The following ZNF140 variants were observed in gnomAD, a reference collection of about 807,000 sequenced individuals.
The protein encoded by ZNF140 is zinc finger protein 140 (clone pHZ-39).
ZNF140 carries 13 observed loss-of-function variants against 12.9 expected under a neutral mutation model. The observed-to-expected ratio is 1.01, with a 90% CI of 0.66 to 1.60. The LOEUF is 1.60. Ranked by LOEUF, ZNF140 falls within the 40% of genes most tolerant of loss-of-function variation. The probability of loss-of-function intolerance (pLI) is 0.00; values close to 1 mark genes in which losing one functional copy is unlikely to be tolerated. For missense variants in ZNF140, 531 were observed against 548.8 expected, an observed-to-expected ratio of 0.97 and a Z score of 0.32; for synonymous variants, 214 against 186.7, an observed-to-expected ratio of 1.15 and a Z score of -1.19.
At chr12:133,097,851 T>TGTGTGTGTGTGTGTGTGTGTGTGTG (rs1219923897) in intron 4 of ZNF140, among the ~76,000 whole-genome samples, 1 of 78,564 alleles carries the variant, frequency 1.3e-5, no homozygotes, top group African/African-American at 4.6e-5. Context: ...GTGTGTGTGT[T>TGTGTGTGTGTGTGTGTGTGTGTGTG]TTTGAGATGA....
Position 133,083,231 on chromosome 12 carries a change from TA to T in ZNF140, c.136+4del. 6.2e-7 allele frequency: 1 copy of T among 1,608,646 alleles called. No homozygotes were observed. ...ACTATGGCCATCTGGTCTCACTGGG[TA>T]AGTATTCTTCTTCATCTCCCTCAAG... On this transcript the variant is annotated splice_donor_region_variant and intron_variant, in intron 3 of 4. Transcript: ENST00000355557.
rs200906656 is a variant in ZNF140 at position 133,081,348 on chromosome 12, A to T, written c.9+19A>T. The T allele has an allele frequency of 2.9e-3, 912 of 318,762 alleles. 10 individuals are homozygous for T. Among genetic ancestry groups the T allele is most frequent in the Non-Finnish European group, 4.0e-3 (686 of 172,480 alleles). The allele number at this position is 318,762 out of a possible 1,614,324, so 19.7% of individuals were successfully genotyped here. ...GTCTCAGGTAAGCTAATGATTGATA[A>T]ATATATATATATATATATATATAAA... On this transcript the variant is annotated intron_variant, in intron 2 of 4. Coordinates refer to ENST00000355557, the MANE Select transcript of ZNF140 (RefSeq NM_003440.4).
intron 4 of ZNF140, among the ~76,000 whole-genome samples, chr12:133,095,263 C>T (rs1401497534): frequency 6.6e-6 from 1 of 150,990 alleles, no homozygotes; most frequent in Non-Finnish European, 1.5e-5. Flanking sequence ...TTTAACTCCC[C>T]CTCTTCTTAA....
At chr12:133,100,100 G>A (rs1955282572) in intron 4 of ZNF140, among the ~76,000 whole-genome samples, 2 of 147,120 alleles carry the variant, frequency 1.4e-5, no homozygotes, top group African/African-American at 5.1e-5. Context: ...GAACCTCATT[G>A]CCATTGGTTA....
rs1955607722 is a variant in ZNF140, at chr12:133,106,583, A to C, written c.1306A>C (p.Thr436Pro). ...SNLAKHQRTH[T>P]LDNPYEYENS... is the part of the protein sequence containing the mutation. ...CCTTGCTAAACATCAGAGGACACAC[A>C]CTCTTGACAACCCCTATGAATATGA... Residue 436 changes from threonine to proline, a missense_variant, in exon 5 of 5, where the codon ACT becomes CCT. Transcript: ENST00000355557. 1 of 1,613,178 alleles carries C rather than the reference A, an allele frequency of 6.2e-7. No homozygotes were observed. The highest frequency in any genetic ancestry group is 1.3e-5 in the African/African-American group (1 of 74,844).
At chr12:133,095,680 A>C (rs866910783) in intron 4 of ZNF140, among the ~76,000 whole-genome samples, 28 of 151,888 alleles carry the variant, frequency 1.8e-4, no homozygotes, top group Admixed American at 1.2e-3. Context: ...AGCAAAAAGG[A>C]ATGTAGTAGG....
intron 4 of ZNF140, among the ~76,000 whole-genome samples, chr12:133,104,776 A>C (rs1955522015): frequency 6.6e-6 from 1 of 152,200 alleles, no homozygotes; most frequent in Non-Finnish European, 1.5e-5. Context: ...TTTGTCAAAC[A>C]CATTTGATAT....
intron 4 of ZNF140, among the ~76,000 whole-genome samples, chr12:133,089,346 T>G (rs1425300098): frequency 6.6e-6 from 1 of 152,172 alleles, no homozygotes; most frequent in East Asian, 1.9e-4. Context: ...CCCAAGTAGC[T>G]GGGACTACAG....
At chr12:133,104,916 CAATAGTCAGGTTTTT>C (rs1955532502) in intron 4 of ZNF140, among the ~76,000 whole-genome samples, 1 of 152,036 alleles carries the variant, frequency 6.6e-6, no homozygotes, top group Admixed American at 6.5e-5. Flanking sequence ...GCATAATGCC[CAATAGTCAGGTTTTT>C]AATCCTTACC....
intron 4 of ZNF140, among the ~76,000 whole-genome samples, chr12:133,095,002 A>G (rs71452555): frequency 0.16 from 23,600 of 151,014 alleles, 2,648 homozygotes; most frequent in Admixed American, 0.22. Context: ...TTCACAATCT[A>G]TTACACAGCT....
At chr12:133,095,727 A>G (rs1358756616) in intron 4 of ZNF140, among the ~76,000 whole-genome samples, 39 of 151,636 alleles carry the variant, frequency 2.6e-4, no homozygotes, top group African/African-American at 8.0e-4. Context: ...TCAGCAAAAA[A>G]CATGTGAGCA....
At chr12:133,098,768 G>A (rs1037630889) in intron 4 of ZNF140, among the ~76,000 whole-genome samples, 5 of 148,166 alleles carry the variant, frequency 3.4e-5, no homozygotes, top group Admixed American at 1.3e-4. Context: ...GCAGTGGCAC[G>A]ATCTTGGCTC....
In ZNF140 at chr12:133,093,404, GT is replaced by G. The variant is rs1386283020; in HGVS notation, c.232+9844del. On this transcript the variant is annotated intron_variant, in intron 4 of 4. Transcript: ENST00000355557. ...ATTCTCTGGAGTTTGTGTTACTCTT[GT>G]GTTTTCCAGGCTTTTTTTCAGCTAA... 11 of 698,220 alleles carry G rather than the reference GT, an allele frequency of 1.6e-5. No homozygotes were observed. The East Asian group carries it at 3.0e-4, about 19-fold the overall frequency. 43.3% of individuals were successfully genotyped at this position (698,220 alleles called of 1,614,324 possible).
intron 4 of ZNF140, among the ~76,000 whole-genome samples, chr12:133,097,311 G>A (rs910348844): frequency 6.6e-6 from 1 of 152,116 alleles, no homozygotes; most frequent in African/African-American, 2.4e-5. Context: ...AATGTCTTAA[G>A]TTAGTGTATT....
chr12:133,081,348 A>AATATATATATATCTATATATAT lies in ZNF140; in HGVS notation c.9+31_9+32insCTATATATATATATATATATAT. On this transcript the variant is annotated intron_variant, in intron 2 of 4. Coordinates refer to ENST00000355557, the MANE Select transcript of ZNF140 (RefSeq NM_003440.4). Reference sequence around the variant, plus strand: ...GTCTCAGGTAAGCTAATGATTGATAAATATATATATATATATATATATAAA... The same window carrying AATATATATATATCTATATATAT: ...GTCTCAGGTAAGCTAATGATTGATAAATATATATATATCTATATATATATATATATATATATATATATATAAA... 3.2e-6 allele frequency: 1 copy of AATATATATATATCTATATATAT among 311,778 alleles called. No individual in the cohort carries two copies. Among genetic ancestry groups the AATATATATATATCTATATATAT allele is most frequent in the Non-Finnish European group, 6.0e-6 (1 of 167,694 alleles). 19.3% of individuals were successfully genotyped at this position (311,778 alleles called of 1,614,324 possible). A position where few individuals can be genotyped will look rare whatever the true frequency, so the allele number is the denominator to read the frequency against.
At chr12:133,100,231 T>C (rs1955296495) in intron 4 of ZNF140, among the ~76,000 whole-genome samples, 1 of 146,660 alleles carries the variant, frequency 6.8e-6, no homozygotes, top group Non-Finnish European at 1.5e-5. Flanking sequence ...GCAGTGGTGT[T>C]ATCATAGCTC....
chr12:133,081,057 C>T lies in ZNF140; in HGVS notation c.-64C>T, dbSNP rs1438341404. 1.4e-5 allele frequency: 3 copies of T among 220,064 alleles called. No homozygotes were observed. The Admixed American group carries it at 1.7e-4, about 13-fold the overall frequency. 13.6% of individuals were successfully genotyped at this position (220,064 alleles called of 1,614,324 possible). On this transcript the variant is annotated 5_prime_UTR_variant, in exon 1 of 5. Coordinates refer to ENST00000355557, the MANE Select transcript of ZNF140 (RefSeq NM_003440.4). ...GAAAGCACCACGGAAACGCATCCTT[C>T]TGTGGCCACTGTTAGGTGAGGGGGT...
At chr12:133,086,043 C>T (rs373974634) in intron 4 of ZNF140, among the ~76,000 whole-genome samples, 3 of 152,140 alleles carry the variant, frequency 2.0e-5, no homozygotes, top group Admixed American at 1.3e-4. Context: ...GAATTTTTAA[C>T]GTAATTGCTC....
intron 4 of ZNF140, among the ~76,000 whole-genome samples, chr12:133,094,522 AT>A (rs1310816369): frequency 6.6e-6 from 1 of 151,070 alleles, no homozygotes; most frequent in Non-Finnish European, 1.5e-5. Flanking sequence ...CATCTGCCTG[AT>A]TTTTTCTGAA....
Sources: allele counts gnomAD v4.1 joint callset (sites outside exome capture counted in the v4.1 genomes callset), GRCh38; gene constraint gnomAD v4.1.1; transcripts MANE v1.5; gene names NCBI Gene and HGNC (gene_info 2026-07-23, HGNC 2026-07-21).